EIF2AK2: variants seen among roughly 807,000 people sequenced by gnomAD.
EIF2AK2 encodes the protein interferon-induced, double-stranded RNA-activated protein kinase.
A neutral mutation model predicts 70.5 loss-of-function variants in EIF2AK2; 40 were observed. The observed-to-expected ratio is 0.57, with a 90% CI of 0.44 to 0.74. The LOEUF (loss-of-function observed/expected upper bound fraction) is 0.74. Ranked by LOEUF, EIF2AK2 falls within the 30% of genes least tolerant of loss-of-function variation. The probability of loss-of-function intolerance (pLI) is 0.00; values close to 1 mark genes in which losing one functional copy is unlikely to be tolerated. For missense variants in EIF2AK2, 555 were observed against 644.3 expected (o/e 0.86, Z 1.50); for synonymous variants, 198 against 220.9 (o/e 0.90, Z 0.92).
At chr2:37,153,337 C>CTTTTTTTTT (rs1553340565) in intron 1 of EIF2AK2, among the ~76,000 whole-genome samples, 5 of 109,888 alleles carry the variant, frequency 4.6e-5, no homozygotes, top group Non-Finnish European at 7.3e-5. Context: ...CTCTGCTAAT[C>CTTTTTTTTT]TTTTTTTTTT....
rs536728471 is a variant in EIF2AK2, at chr2:37,154,054, C to T, written c.-184+2854G>A. ...AAAACATCAATTCAGTGGCCAGGCG[C>T]GGTGGCTCACACCTGTAATCCCAGC... On this transcript the variant is annotated intron_variant, in intron 1 of 16. Coordinates refer to ENST00000233057, the MANE Select transcript of EIF2AK2 (RefSeq NM_001135651.3). Among the ~76,000 whole-genome samples the T allele has an allele frequency of 8.5e-5, 13 of 152,256 alleles. No homozygotes were observed. The East Asian group carries it at 2.1e-3, about 25-fold the overall frequency.
chr2:37,124,779 G>A (rs1041886063), intron 11 of EIF2AK2, among the ~76,000 whole-genome samples: 3 of 150,164 alleles, frequency 2.0e-5, no homozygotes, highest in Non-Finnish European at 4.4e-5. Flanking sequence ...CCAGGCTGTA[G>A]TGCAGTGGTG....
intron 10 of EIF2AK2, among the ~76,000 whole-genome samples, chr2:37,126,781 AC>A (rs1674744110): frequency 6.6e-6 from 1 of 151,894 alleles, no homozygotes; most frequent in Admixed American, 6.6e-5. Context: ...ACATGGTGAA[AC>A]CCCGTCTCTA....
chr2:37,138,527 G>C lies in EIF2AK2; in HGVS notation c.575C>G (p.Ser192Cys), dbSNP rs114027780. 4.9e-4 allele frequency: 791 copies of C among 1,614,106 alleles called. 1 individual carries two copies. Among genetic ancestry groups the C allele is most frequent in the Non-Finnish European group, 6.3e-4 (748 of 1,180,012 alleles). ...FATTCESQSN[S>C]LVTSTLASES... Reference sequence around the variant, plus strand: ...CACTTACAGTGTGCTGGTCACTAAAGAGTTGCTTTGGGACTCACACGTAGT... The same window carrying C: ...CACTTACAGTGTGCTGGTCACTAAACAGTTGCTTTGGGACTCACACGTAGT... The change falls in exon 7 of 17, where the codon TCT (serine) becomes TGT (cysteine). Residue 192 changes from serine to cysteine, a missense_variant. Physicochemically the swap from Ser to Cys is moderately radical, Grantham distance 112. Coordinates refer to ENST00000233057, the MANE Select transcript of EIF2AK2 (RefSeq NM_001135651.3).
In EIF2AK2 at chr2:37,106,499, T is replaced by C. The variant is rs547152096; in HGVS notation, c.*774A>G. 6.6e-6 allele frequency: 1 copy of C among 152,206 alleles called. No individual in the cohort carries two copies. The highest frequency in any genetic ancestry group is 1.9e-4 in the East Asian group (1 of 5,182). 9.4% of individuals were successfully genotyped at this position (152,206 alleles called of 1,614,324 possible). ...CGTATGTAGGAATAGAATTGATAGCTATGTGGGTATACATGGATTCAACTT... is the reference window on the plus strand; with the variant it reads ...CGTATGTAGGAATAGAATTGATAGCCATGTGGGTATACATGGATTCAACTT... On this transcript the variant is annotated 3_prime_UTR_variant, in exon 17 of 17. Transcript: ENST00000233057.
chr2:37,115,005 G>T, intron 13 of EIF2AK2, 146 bp from the exon 14 acceptor site: 1 of 413,894 alleles, frequency 2.4e-6, no homozygotes, highest in Non-Finnish European at 4.0e-6. Context: ...AATTTAATAT[G>T]ACTCGTCTTT....
At chr2:37,115,214 GTT>G (rs747138117) in intron 13 of EIF2AK2, 874 of 108,770 alleles carry the variant, frequency 8.0e-3, no homozygotes, top group South Asian at 0.019. Flanking sequence ...TGCCCGGCTA[GTT>G]TTTTTTTTTT....
chr2:37,117,669 G>A (rs1284573469), intron 13 of EIF2AK2, among the ~76,000 whole-genome samples: 1 of 152,232 alleles, frequency 6.6e-6, no homozygotes, highest in African/African-American at 2.4e-5. Flanking sequence ...CAGGACTGAT[G>A]CTCAGGCTGA....
chr2:37,150,124 C>A (rs1204735911), intron 1 of EIF2AK2, among the ~76,000 whole-genome samples: 1 of 147,582 alleles, frequency 6.8e-6, no homozygotes, highest in African/African-American at 2.5e-5. Flanking sequence ...ATAAATATGT[C>A]CCAGAGGAAG....
chr2:37,126,065 A>C (rs899257285), intron 11 of EIF2AK2, among the ~76,000 whole-genome samples: 4 of 152,226 alleles, frequency 2.6e-5, no homozygotes, highest in African/African-American at 9.6e-5. Context: ...TTCTGAAGAT[A>C]GCACCAAAAG....
At chr2:37,130,881 T>G (rs960693410) in intron 10 of EIF2AK2, among the ~76,000 whole-genome samples, 6 of 152,208 alleles carry the variant, frequency 3.9e-5, no homozygotes, top group African/African-American at 1.4e-4. Context: ...GGCTTTTAAA[T>G]TTTTTGGCTG....
chr2:37,147,948 C>T (rs1675613399), intron 2 of EIF2AK2, 126 bp from the exon 3 acceptor site: 5 of 535,926 alleles, frequency 9.3e-6, no homozygotes, highest in Admixed American at 8.3e-5. Flanking sequence ...CTCAGTCTCA[C>T]ATAAATGCAG....
chr2:37,141,604 C>T lies in EIF2AK2; in HGVS notation c.338G>A (p.Arg113Lys). ...GLINRIAQKK[R>K]LTVNYEQCAS... ...ACACTGTTCATAATTTACAGTTAGT[C>T]TTTTCTTCTGGGCAATTCTATTGAT... Residue 113 changes from arginine (R) to lysine (K), a missense_variant, in exon 5 of 17, where the codon AGA becomes AAA. Arg to Lys is a conservative substitution (Grantham distance 26). Around this residue, in one of 3 missense-constraint regions of EIF2AK2, gnomAD observed 208 missense variants for 191.8 expected, o/e 1.08. Coordinates refer to ENST00000233057, the MANE Select transcript of EIF2AK2 (RefSeq NM_001135651.3). 6.2e-7 allele frequency: 1 copy of T among 1,614,098 alleles called. No individual in the cohort carries two copies. The highest frequency in any genetic ancestry group is 1.3e-5 in the African/African-American group (1 of 75,048).
chr2:37,127,746 T>TC (rs927893086), intron 10 of EIF2AK2, among the ~76,000 whole-genome samples: 1 of 150,712 alleles, frequency 6.6e-6, no homozygotes, highest in African/African-American at 2.4e-5. Flanking sequence ...CTGCAATTTT[T>TC]TTTTTTTTTT....
rs1484337825 is a variant in EIF2AK2 at position 37,107,007 on chromosome 2, A to C, written c.*266T>G. ...CAGTGAGCCAAGACTGTGTCATTGCACTCCAGCCTGGGCAACAGAGCGAGA... is the reference window on the plus strand; with the variant it reads ...CAGTGAGCCAAGACTGTGTCATTGCCCTCCAGCCTGGGCAACAGAGCGAGA... On this transcript the variant is annotated 3_prime_UTR_variant, in exon 17 of 17. Coordinates refer to ENST00000233057, the MANE Select transcript of EIF2AK2 (RefSeq NM_001135651.3). The C allele has an allele frequency of 1.5e-5, 4 of 268,960 alleles. No homozygotes were observed. Among genetic ancestry groups the C allele is most frequent in the Non-Finnish European group, 2.7e-5 (4 of 147,530 alleles). 16.7% of individuals were successfully genotyped at this position (268,960 alleles called of 1,614,324 possible). A position where few individuals can be genotyped will look rare whatever the true frequency, so the allele number is the denominator to read the frequency against.
chr2:37,121,817 T>C (rs1674565107), intron 12 of EIF2AK2, among the ~76,000 whole-genome samples: 1 of 152,056 alleles, frequency 6.6e-6, no homozygotes, highest in South Asian at 2.1e-4. Context: ...TTACACGACA[T>C]GGAGATGGAG....
At chr2:37,115,100 T>A (rs942075953) in intron 13 of EIF2AK2, 1 of 185,036 alleles carries the variant, frequency 5.4e-6, no homozygotes, top group East Asian at 1.5e-4. Flanking sequence ...CAAGCTGGAG[T>A]GCAGTGGTGC....
At chr2:37,154,334 AAAC>A (rs1675847402) in intron 1 of EIF2AK2, among the ~76,000 whole-genome samples, 1 of 151,914 alleles carries the variant, frequency 6.6e-6, no homozygotes, top group South Asian at 2.1e-4. Flanking sequence ...TCAAAAAAAA[AAAC>A]AAAAACAAAA....
chr2:37,112,090 G>A (rs1017693265), intron 14 of EIF2AK2, among the ~76,000 whole-genome samples: 1 of 151,590 alleles, frequency 6.6e-6, no homozygotes, highest in African/African-American at 2.4e-5. Context: ...TTTGCTCTGG[G>A]CAATGATGTT....
Sources: gnomAD v4.1 joint callset for allele counts (sites outside exome capture counted in the v4.1 genomes callset) on GRCh38, gnomAD v4.1.1 for gene constraint, gnomAD v4.1.1 regional missense constraint, MANE v1.5 for transcripts, NCBI Gene and HGNC (gene_info 2026-07-23, HGNC 2026-07-21) for gene names.